Variants in CACNA1S observed in about 807,000 individuals in gnomAD.
The protein encoded by CACNA1S is calcium voltage-gated channel subunit alpha1 S.
CACNA1S carries 126 observed loss-of-function variants against 207.4 expected under a neutral mutation model. The ratio of observed to expected loss-of-function variants is 0.61; its 90% confidence interval spans 0.53 to 0.70. The LOEUF (loss-of-function observed/expected upper bound fraction) is 0.70, where lower values mean the gene tolerates loss of function less well. Among genes scored for constraint, CACNA1S ranks in the 30% least tolerant of loss-of-function variants. The pLI is 0.00. For missense variants in CACNA1S, 2,349 were observed against 2,422.8 expected (o/e 0.97, Z 0.64); for synonymous variants, 960 against 932.7 (o/e 1.03, Z -0.53).
At chr1:201,045,347 A>G (rs1305662605) in intron 38 of CACNA1S, among the ~76,000 whole-genome samples, 2 of 152,212 alleles carry the variant, frequency 1.3e-5, no homozygotes, top group African/African-American at 2.4e-5. Flanking sequence ...AGGCAACTCA[A>G]TGCACTGTCT....
intron 27 of CACNA1S, 73 bp downstream of exon 27, chr1:201,059,116 G>A (rs1344769368): frequency 1.1e-6 from 1 of 924,172 alleles, no homozygotes; most frequent in Admixed American, 1.8e-5. Context: ...GAGGGATGGG[G>A]GTGGATGTTC....
Position 201,087,882 on chromosome 1 carries a change from G to A in CACNA1S, c.948C>T (p.Thr316=), listed in dbSNP as rs149079621. 19 of 1,613,774 alleles carry A rather than the reference G, an allele frequency of 1.2e-5. No individual in the cohort carries two copies. In the African/African-American group the frequency reaches 2.3e-4, roughly 19 times the overall value. The part of the protein sequence containing the change: ...GNEWPWIYFV[T]LILLGSFFIL... ...TGAAGAAGGATCCCAGCAAAATGAG[G>A]GTGACAAAATAGATCCAGGGCCACT... Residue 316 remains threonine (T), a synonymous_variant, in exon 7 of 44, where the codon ACC becomes ACT. Coordinates refer to ENST00000362061, the MANE Select transcript of CACNA1S (RefSeq NM_000069.3).
At chr1:201,104,226 G>A (rs55695408) in intron 2 of CACNA1S, among the ~76,000 whole-genome samples, 2,028 of 152,252 alleles carry the variant, frequency 0.013, 28 homozygotes, top group Non-Finnish European at 0.022. Context: ...GTGGGAGGGG[G>A]CTGTCCTGTG....
chr1:201,062,557 A>G, intron 22 of CACNA1S, 43 bp from the exon 23 acceptor site: 1 of 1,586,808 alleles, frequency 6.3e-7, no homozygotes, highest in Non-Finnish European at 8.6e-7. Flanking sequence ...GCATGTTGTC[A>G]TGGAAACAGG....
intron 2 of CACNA1S, among the ~76,000 whole-genome samples, chr1:201,094,236 C>T (rs1174102764): frequency 1.3e-5 from 2 of 152,044 alleles, no homozygotes. Flanking sequence ...CTCCAAATTC[C>T]TTCACTGAGG....
At chr1:201,093,182 T>A (rs987629265) in intron 3 of CACNA1S, among the ~76,000 whole-genome samples, 1 of 152,200 alleles carries the variant, frequency 6.6e-6, no homozygotes, top group South Asian at 2.1e-4. Context: ...CACCTCAGAA[T>A]GTGGTTGTAT....
chr1:201,078,690 G>T (rs546943338), intron 10 of CACNA1S, among the ~76,000 whole-genome samples: 1 of 152,014 alleles, frequency 6.6e-6, no homozygotes, highest in Non-Finnish European at 1.5e-5. Context: ...GAAGGGTCCT[G>T]CCACCTACCT....
Position 201,044,329 on chromosome 1 carries a change from C to G in CACNA1S, c.4796G>C (p.Arg1599Pro), listed in dbSNP as rs946904077. Residue 1599 changes from arginine to proline, a missense_variant and splice_region_variant, in exon 39 of 44, where the codon CGG becomes CCG. By Grantham distance (103) the Arg-to-Pro change is moderately radical (BLOSUM62 -2). Coordinates refer to ENST00000362061, the MANE Select transcript of CACNA1S (RefSeq NM_000069.3). Reference sequence around the variant, plus strand: ...GGGGTGCTCCTGGCTCTCCCTCACCCGGAATATTCCCTCCTCCATCGCAGC... The same window carrying G: ...GGGGTGCTCCTGGCTCTCCCTCACCGGGAATATTCCCTCCTCCATCGCAGC... ...VEAAMEEGIF[R>P]RTGGLFGQVD... The G allele has an allele frequency of 1.9e-6, 3 of 1,613,200 alleles. No homozygotes were observed. Among genetic ancestry groups the G allele is most frequent in the Admixed American group, 1.7e-5 (1 of 59,960 alleles).
chr1:201,091,876 C>T (rs1662246383), intron 4 of CACNA1S, 84 bp from the exon 5 acceptor site: 21 of 1,598,616 alleles, frequency 1.3e-5, no homozygotes, highest in South Asian at 8.9e-5. Flanking sequence ...CCTGGGAAGC[C>T]CCTGAGATGT....
intron 12 of CACNA1S, among the ~76,000 whole-genome samples, chr1:201,076,081 A>C (rs989343881): frequency 1.3e-5 from 2 of 152,134 alleles, no homozygotes; most frequent in African/African-American, 4.8e-5. Flanking sequence ...AAACAAAACA[A>C]AACCCCTATC....
rs200300308 is a variant in CACNA1S at position 201,062,484 on chromosome 1, T to C, written c.2884A>G (p.Lys962Glu). The C allele has an allele frequency of 9.3e-6, 15 of 1,609,010 alleles. No individual in the cohort carries two copies. The East Asian group carries it at 2.0e-4, about 22-fold the overall frequency. The part of the protein sequence containing the change: ...GKFFRCTDLS[K>E]MTEEECRGYY... ...TACCTGCACTCCTCCTCTGTCATCTTGGACAAGTCGGTGCACCTGAAGAAC... is the reference window on the plus strand; with the variant it reads ...TACCTGCACTCCTCCTCTGTCATCTCGGACAAGTCGGTGCACCTGAAGAAC... Residue 962 changes from lysine (K) to glutamate (E), a missense_variant, in exon 23 of 44, where the codon AAG (lysine) becomes GAG (glutamate). Physicochemically the swap from Lys to Glu is moderately conservative, Grantham distance 56. Transcript: ENST00000362061.
In CACNA1S at chr1:201,077,143, G is replaced by A. The variant is rs1055866565; in HGVS notation, c.1620-16C>T. Reference sequence around the variant, plus strand: ...CGTCCAATATCTGAAGGAAGAGGAGGCACAAGGTGGGAGGAGACAGACCCT... The same window carrying A: ...CGTCCAATATCTGAAGGAAGAGGAGACACAAGGTGGGAGGAGACAGACCCT... On this transcript the variant is annotated splice_polypyrimidine_tract_variant and intron_variant, in intron 11 of 43. Coordinates refer to ENST00000362061, the MANE Select transcript of CACNA1S (RefSeq NM_000069.3). 1 of 1,610,844 alleles carries A rather than the reference G, an allele frequency of 6.2e-7. No homozygotes were observed. The highest frequency in any genetic ancestry group is 1.7e-5 in the Admixed American group (1 of 59,986).
At chr1:201,054,636 A>G in intron 28 of CACNA1S, 75 bp from the exon 29 acceptor site, 1 of 1,205,034 alleles carries the variant, frequency 8.3e-7, no homozygotes, top group Non-Finnish European at 1.2e-6. Flanking sequence ...GGAGGTGAAG[A>G]GACGTGTCAG....
At chr1:201,068,988 G>A in intron 19 of CACNA1S, 149 bp downstream of exon 19, 1 of 723,080 alleles carries the variant, frequency 1.4e-6, no homozygotes. Context: ...AGATACTTGT[G>A]GGCCTGCCGG....
rs749654014 is a variant in CACNA1S, at chr1:201,077,007, G to A, written c.1740C>T (p.Leu580=). Residue 580 remains leucine, a synonymous_variant, in exon 12 of 44, where the codon CTC becomes CTT. Coordinates refer to ENST00000362061, the MANE Select transcript of CACNA1S (RefSeq NM_000069.3). The part of the protein sequence containing the change: ...IVIFALLGMQ[L]FGGRYDFEDT... ...CTTCAAAGTCATACCTCCCCCCAAA[G>A]AGCTGCATGCCCAGGAGGGCGAAGA... is the stretch of plus-strand genomic sequence containing the variant. The A allele has an allele frequency of 7.4e-6, 12 of 1,614,148 alleles. No individual in the cohort carries two copies. In the African/African-American group the frequency reaches 1.5e-4, roughly 20 times the overall value.
Position 201,052,573 on chromosome 1 carries a change from C to T in CACNA1S, c.3937G>A (p.Val1313Met), listed in dbSNP as rs1191202218. ...GACGCGTGCCTGAAGAGCAGTAGCACAGCTTGTGGGAAGGTCTGGAAGTTG... is the reference window on the plus strand; with the variant it reads ...GACGCGTGCCTGAAGAGCAGTAGCATAGCTTGTGGGAAGGTCTGGAAGTTG... ...NNNFQTFPQA[V>M]LLLFRCATGE... is the part of the protein sequence containing the mutation. The change falls in exon 32 of 44, where the codon GTG becomes ATG. Residue 1313 changes from valine (V) to methionine (M), a missense_variant. By Grantham distance (21) the Val-to-Met change is conservative. Transcript: ENST00000362061. The T allele has an allele frequency of 6.2e-7, 1 of 1,613,722 alleles. No individual in the cohort carries two copies. Among genetic ancestry groups the T allele is most frequent in the African/African-American group, 1.3e-5 (1 of 74,870 alleles).
At chr1:201,097,548 A>C (rs1410295488) in intron 2 of CACNA1S, among the ~76,000 whole-genome samples, 1 of 152,132 alleles carries the variant, frequency 6.6e-6, no homozygotes, top group Non-Finnish European at 1.5e-5. Flanking sequence ...AGGGAGCACC[A>C]GCTCTGTGTC....
rs142859138 is a variant in CACNA1S, at chr1:201,083,991, C to G, written c.1233-669G>C. ...GTTCCCTGCAGCACTGTTTGTATCG[C>G]CAAAGAGGGGAAAAATTAACTACAT... On this transcript the variant is annotated intron_variant, in intron 9 of 43. Coordinates refer to ENST00000362061, the MANE Select transcript of CACNA1S (RefSeq NM_000069.3). 1.8e-4 allele frequency among the ~76,000 whole-genome samples: 28 copies of G among 152,046 alleles called. No individual in the cohort carries two copies. The East Asian group carries it at 5.0e-3, about 27-fold the overall frequency.
intron 2 of CACNA1S, among the ~76,000 whole-genome samples, chr1:201,100,281 G>A (rs1173527296): frequency 6.6e-6 from 1 of 152,282 alleles, no homozygotes; most frequent in Admixed American, 6.5e-5. Flanking sequence ...GGAATGAGGT[G>A]TCTGCTAAAG....
Sources: allele counts gnomAD v4.1 joint callset (sites outside exome capture counted in the v4.1 genomes callset), GRCh38; gene constraint gnomAD v4.1.1; transcripts MANE v1.5; gene names NCBI Gene and HGNC (gene_info 2026-07-23, HGNC 2026-07-21).